Variants in TSPAN4 observed in about 807,000 individuals in gnomAD.
The protein encoded by TSPAN4 is tetraspanin 4.
TSPAN4 carries 38 observed loss-of-function variants against 31.5 expected under a neutral mutation model. The ratio of observed to expected loss-of-function variants is 1.21; its 90% CI spans 0.93 to 1.58. The LOEUF (loss-of-function observed/expected upper bound fraction) is 1.58. TSPAN4 is among the 40% of genes most tolerant of loss of function. The pLI is 0.00. For synonymous variants in TSPAN4, 186 were observed against 144.6 expected (o/e 1.29, Z -2.06); for missense variants, 330 against 317.3 (o/e 1.04, Z -0.30).
At chr11:846,912 C>T (rs913053815) in intron 1 of TSPAN4, among the ~76,000 whole-genome samples, 2 of 152,136 alleles carry the variant, frequency 1.3e-5, no homozygotes, top group Admixed American at 6.5e-5. Context: ...CTCTGCACAC[C>T]GTGTCTCTGT....
intron 1 of TSPAN4, chr11:844,295 C>T (rs1847162874): frequency 6.6e-6 from 1 of 152,126 alleles, no homozygotes; most frequent in South Asian, 2.1e-4. Context: ...GCCCCTGTTC[C>T]TGCCTGCAGG....
rs1001674696 is a variant in TSPAN4, at chr11:842,877, G to T, written c.-156G>T. 1 of 174,292 alleles carries T rather than the reference G, an allele frequency of 5.7e-6. No individual in the cohort carries two copies. Among genetic ancestry groups the T allele is most frequent in the South Asian group, 1.7e-4 (1 of 5,980 alleles). 10.8% of individuals were successfully genotyped at this position (174,292 alleles called of 1,614,324 possible). Reference sequence around the variant, plus strand: ...GTGTCCGCTTGACTGACAGCTGCGCGGCGGGAGCGGGCGGCGCGAGCGGGA... The same window carrying T: ...GTGTCCGCTTGACTGACAGCTGCGCTGCGGGAGCGGGCGGCGCGAGCGGGA... On this transcript the variant is annotated 5_prime_UTR_variant, in exon 1 of 9. Coordinates refer to ENST00000397397, the MANE Select transcript of TSPAN4 (RefSeq NM_003271.5).
In TSPAN4 at chr11:855,778, G is replaced by A. The variant is rs117792231; in HGVS notation, c.63+5411G>A. Among the ~76,000 whole-genome samples, 182 of 152,320 alleles carry A rather than the reference G, an allele frequency of 1.2e-3. 5 individuals are homozygous for A. In the East Asian group the frequency reaches 0.032, roughly 27 times the overall value. ...TGGAAACCAGCATCCCAGCCATGACGGGGACGTTCCCGCCAGCCCAGAGGG... is the reference window on the plus strand; with the variant it reads ...TGGAAACCAGCATCCCAGCCATGACAGGGACGTTCCCGCCAGCCCAGAGGG... On this transcript the variant is annotated intron_variant, in intron 3 of 8. Coordinates refer to ENST00000397397, the MANE Select transcript of TSPAN4 (RefSeq NM_003271.5).
Position 847,690 on chromosome 11 carries a change from C to T in TSPAN4, c.-18+390C>T, listed in dbSNP as rs1012475656. Among the ~76,000 whole-genome samples the T allele has an allele frequency of 2.7e-5, 4 of 147,748 alleles. No homozygotes were observed. In the Admixed American group the frequency reaches 2.7e-4, roughly 10 times the overall value. On this transcript the variant is annotated intron_variant, in intron 2 of 8. Coordinates refer to ENST00000397397, the MANE Select transcript of TSPAN4 (RefSeq NM_003271.5). The stretch of plus-strand genomic sequence containing the variant: ...TTTCTTCTTGAATAGGCTTCATCTG[C>T]TCACCTGGGCGATGTGTGCAGAGCT...
chr11:860,747 G>A (rs953248763), intron 3 of TSPAN4, among the ~76,000 whole-genome samples: 1 of 152,182 alleles, frequency 6.6e-6, no homozygotes, highest in Non-Finnish European at 1.5e-5. Context: ...CCCAGAGCCT[G>A]GGGTCTGAGC....
At chr11:851,400 G>C (rs1419993702) in intron 3 of TSPAN4, among the ~76,000 whole-genome samples, 1 of 152,222 alleles carries the variant, frequency 6.6e-6, no homozygotes, top group African/African-American at 2.4e-5. Flanking sequence ...GGCTTCAGAA[G>C]GAGGCTGTCC....
At chr11:854,090 G>A (rs749933302) in intron 3 of TSPAN4, among the ~76,000 whole-genome samples, 36 of 152,320 alleles carry the variant, frequency 2.4e-4, no homozygotes, top group Admixed American at 3.9e-4. Context: ...GTCCCGGGGC[G>A]GAGGGGAGAG....
intron 1 of TSPAN4, chr11:844,610 C>T (rs1847191258): frequency 7.5e-6 from 1 of 132,952 alleles, no homozygotes; most frequent in South Asian, 2.8e-4. Flanking sequence ...GGGAGGGAGC[C>T]TGGTGGCGGG....
rs1025970509 is a variant in TSPAN4, at chr11:848,787, C to T, written c.-18+1487C>T. On this transcript the variant is annotated intron_variant, in intron 2 of 8. Coordinates refer to ENST00000397397, the MANE Select transcript of TSPAN4 (RefSeq NM_003271.5). The surrounding 1 kb of genome is among the most constrained non-coding windows in gnomAD (Gnocchi z 5.7). ...TTCCCAACACCGCAGGGCCCTTGTG[C>T]CCTGTGGTGGGGCTGGGGCTTCAGA... 1.4e-4 allele frequency: 78 copies of T among 572,110 alleles called. 1 individual carries two copies. Among genetic ancestry groups the T allele is most frequent in the African/African-American group, 1.1e-3 (56 of 52,480 alleles). 35.4% of individuals were successfully genotyped at this position (572,110 alleles called of 1,614,324 possible).
intron 3 of TSPAN4, among the ~76,000 whole-genome samples, chr11:851,729 G>C (rs1459817208): frequency 6.6e-6 from 1 of 152,080 alleles, no homozygotes; most frequent in Non-Finnish European, 1.5e-5. Flanking sequence ...TGGGTGTGGG[G>C]GGTGGGCTGC....
chr11:862,621 C>T lies in TSPAN4; in HGVS notation c.135C>T (p.Ser45=). 6.2e-7 allele frequency: 1 copy of T among 1,613,344 alleles called. No homozygotes were observed. The highest frequency in any genetic ancestry group is 1.1e-5 in the South Asian group (1 of 91,082). The part of the protein sequence containing the change: ...AATQGSFATL[S]SSFPSLSAAN... Reference sequence around the variant, plus strand: ...CACAGGGGAGCTTCGCCACGCTGTCCTCTTCCTTCCCGTCCCTGTCGGCTG... The same window carrying T: ...CACAGGGGAGCTTCGCCACGCTGTCTTCTTCCTTCCCGTCCCTGTCGGCTG... Residue 45 remains serine, a synonymous_variant, in exon 4 of 9, where the codon TCC becomes TCT. Transcript: ENST00000397397.
intron 3 of TSPAN4, chr11:857,635 C>T (rs1848137803): frequency 6.6e-6 from 1 of 152,160 alleles, no homozygotes; most frequent in Non-Finnish European, 1.5e-5. Context: ...CATCTCCTGA[C>T]CTCGTGATCT....
intron 5 of TSPAN4, 191 bp from the exon 6 acceptor site, chr11:865,322 G>C: frequency 1.7e-6 from 1 of 594,968 alleles, no homozygotes; most frequent in East Asian, 2.8e-5. Flanking sequence ...AAGCCCAGAG[G>C]TGGGGGCCCT....
In TSPAN4 at chr11:848,772, C is replaced by A; in HGVS notation, c.-18+1472C>A. ...CCACGTGCTGATATCTTCCCAACAC[C>A]GCAGGGCCCTTGTGCCCTGTGGTGG... On this transcript the variant is annotated intron_variant, in intron 2 of 8. Coordinates refer to ENST00000397397, the MANE Select transcript of TSPAN4 (RefSeq NM_003271.5). The surrounding 1 kb of genome is among the most constrained non-coding windows in gnomAD (Gnocchi z 5.7). The A allele has an allele frequency of 1.8e-6, 1 of 548,098 alleles. No individual in the cohort carries two copies. Among genetic ancestry groups the A allele is most frequent in the Non-Finnish European group, 3.3e-6 (1 of 303,264 alleles). The allele number at this position is 548,098 out of a possible 1,614,324, so 34.0% of individuals were successfully genotyped here.
At chr11:850,843 G>A (rs1847647029) in intron 3 of TSPAN4, among the ~76,000 whole-genome samples, 1 of 152,270 alleles carries the variant, frequency 6.6e-6, no homozygotes, top group Non-Finnish European at 1.5e-5. Context: ...CGGGCCCAGG[G>A]ACTCACTTCC....
Position 864,322 on chromosome 11 carries a change from A to C in TSPAN4, c.256-115A>C, listed in dbSNP as rs1425412344. The stretch of plus-strand genomic sequence containing the variant: ...CTCTCTGGGAGTGGGGGCCTGGCAG[A>C]GGTTTCCTGGCAGCACCAGGTATCC... On this transcript the variant is annotated intron_variant, in intron 4 of 8. Transcript: ENST00000397397. The C allele has an allele frequency of 4.5e-6, 6 of 1,321,550 alleles. No homozygotes were observed. In the East Asian group the frequency reaches 9.3e-5, roughly 20 times the overall value. The allele number at this position is 1,321,550 out of a possible 1,614,324, so 81.9% of individuals were successfully genotyped here. A position where few individuals can be genotyped will look rare whatever the true frequency, so the allele number is the denominator to read the frequency against.
chr11:863,892 G>A (rs1848617933), intron 4 of TSPAN4: 2 of 156,054 alleles, frequency 1.3e-5, no homozygotes, highest in Admixed American at 6.2e-5. Context: ...GGGGAAGCTT[G>A]CATGGTCAGA....
At chr11:852,900 A>ATC (rs35530638) in intron 3 of TSPAN4, among the ~76,000 whole-genome samples, 5 of 151,942 alleles carry the variant, frequency 3.3e-5, no homozygotes, top group African/African-American at 9.7e-5. Flanking sequence ...GTCTGTCCTG[A>ATC]CCCCCCGCTG....
chr11:860,176 C>T (rs1004944059), intron 3 of TSPAN4, among the ~76,000 whole-genome samples: 2 of 152,226 alleles, frequency 1.3e-5, no homozygotes, highest in South Asian at 4.1e-4. Flanking sequence ...ACAGAGCCTG[C>T]CTTCTCCCCA....
Sources: gnomAD v4.1 joint callset for allele counts (sites outside exome capture counted in the v4.1 genomes callset) on GRCh38, gnomAD v4.1.1 for gene constraint, Gnocchi (gnomAD v3.1) non-coding constraint, MANE v1.5 for transcripts, NCBI Gene and HGNC (gene_info 2026-07-23, HGNC 2026-07-21) for gene names.